The following ADAMTS19 variants were observed in gnomAD, a reference collection of about 807,000 sequenced individuals.
The protein encoded by ADAMTS19 is A disintegrin and metalloproteinase with thrombospondin motifs 19.
ADAMTS19 carries 93 observed loss-of-function variants against 153.3 expected under a neutral mutation model. The ratio of observed to expected loss-of-function variants is 0.61; its 90% CI spans 0.51 to 0.72. The LOEUF is 0.72. Ranked by LOEUF, ADAMTS19 falls within the 30% of genes least tolerant of loss-of-function variation. ADAMTS19 has a pLI of 0.00. For synonymous variants in ADAMTS19, 600 were observed against 556.6 expected, an observed-to-expected ratio of 1.08 and a Z score of -1.10; for missense variants, 1,482 against 1,552.1, an observed-to-expected ratio of 0.95 and a Z score of 0.76.
At chr5:129,645,955 C>T (rs1753045605) in intron 11 of ADAMTS19, among the ~76,000 whole-genome samples, 2 of 129,814 alleles carry the variant, frequency 1.5e-5, no homozygotes, top group Admixed American at 8.9e-5. Context: ...GTGGCGGGAT[C>T]TCGGCTCACT....
At chr5:129,651,602 GTTCT>G (rs1221549460) in intron 13 of ADAMTS19, among the ~76,000 whole-genome samples, 1 of 152,012 alleles carries the variant, frequency 6.6e-6, no homozygotes, top group Non-Finnish European at 1.5e-5. Context: ...CTTTGACATC[GTTCT>G]TTATTTATTT....
At chr5:129,524,808 C>G (rs1318772846) in intron 3 of ADAMTS19, among the ~76,000 whole-genome samples, 1 of 151,888 alleles carries the variant, frequency 6.6e-6, no homozygotes, top group Non-Finnish European at 1.5e-5. Flanking sequence ...CAGATATCTC[C>G]CTTGTGCCCA....
intron 16 of ADAMTS19, among the ~76,000 whole-genome samples, chr5:129,670,121 T>C (rs891482064): frequency 6.6e-6 from 1 of 152,144 alleles, no homozygotes; most frequent in African/African-American, 2.4e-5. Flanking sequence ...AAATTATTAC[T>C]TTTTCTCTGT....
rs1749768351 is a variant in ADAMTS19 at position 129,585,914 on chromosome 5, T to A, written c.1373-10645T>A. Among the ~76,000 whole-genome samples the A allele has an allele frequency of 2.0e-5, 3 of 152,194 alleles. No individual in the cohort carries two copies. In the South Asian group the frequency reaches 6.2e-4, roughly 31 times the overall value. Reference sequence around the variant, plus strand: ...TCTCCTGGGCACTTTTAAGATTCTCTTTTTTTCCTTTTCATTTTCAGCAGT... The same window carrying A: ...TCTCCTGGGCACTTTTAAGATTCTCATTTTTTCCTTTTCATTTTCAGCAGT... On this transcript the variant is annotated intron_variant, in intron 7 of 22. Coordinates refer to ENST00000274487, the MANE Select transcript of ADAMTS19 (RefSeq NM_133638.6).
At chr5:129,722,417 A>G (rs1757042186) in intron 21 of ADAMTS19, among the ~76,000 whole-genome samples, 1 of 152,068 alleles carries the variant, frequency 6.6e-6, no homozygotes, top group Non-Finnish European at 1.5e-5. Context: ...GTGTCTGTTC[A>G]TGTCCTTTGC....
intron 16 of ADAMTS19, among the ~76,000 whole-genome samples, chr5:129,672,350 A>G (rs1445506950): frequency 6.6e-6 from 1 of 152,132 alleles, no homozygotes; most frequent in East Asian, 1.9e-4. Context: ...AACACCTCTG[A>G]ACTGGAAAGA....
chr5:129,535,460 C>A (rs1207334709), intron 6 of ADAMTS19, among the ~76,000 whole-genome samples: 6 of 152,106 alleles, frequency 3.9e-5, no homozygotes, highest in Admixed American at 3.9e-4. Flanking sequence ...TAGGAAGAAT[C>A]AGTATCCTGA....
intron 8 of ADAMTS19, among the ~76,000 whole-genome samples, chr5:129,602,959 G>C (rs977473432): frequency 6.6e-5 from 10 of 151,536 alleles, no homozygotes; most frequent in African/African-American, 2.4e-4. Flanking sequence ...CTCAGTAAAT[G>C]ATCTTACTAC....
chr5:129,490,112 T>C (rs1750719306), intron 2 of ADAMTS19, among the ~76,000 whole-genome samples: 1 of 152,180 alleles, frequency 6.6e-6, no homozygotes, highest in African/African-American at 2.4e-5. Flanking sequence ...ATGTATGAAA[T>C]GAATTACTCC....
At chr5:129,612,050 G>T (rs2126956695) in intron 8 of ADAMTS19, among the ~76,000 whole-genome samples, 1 of 151,648 alleles carries the variant, frequency 6.6e-6, no homozygotes, top group Middle Eastern at 3.4e-3. Flanking sequence ...GTATACATGT[G>T]CCATGTTGGT....
intron 7 of ADAMTS19, among the ~76,000 whole-genome samples, chr5:129,569,486 A>G (rs1753824448): frequency 6.6e-6 from 1 of 152,076 alleles, no homozygotes; most frequent in Admixed American, 6.6e-5. Flanking sequence ...ACCTTTACAC[A>G]CTGCTCCACC....
intron 8 of ADAMTS19, among the ~76,000 whole-genome samples, chr5:129,597,040 T>A (rs920817609): frequency 3.9e-5 from 6 of 152,206 alleles, no homozygotes; most frequent in Non-Finnish European, 7.4e-5. Context: ...GTACCTGTAT[T>A]TGTTATTACC....
intron 11 of ADAMTS19, among the ~76,000 whole-genome samples, chr5:129,645,148 G>A (rs1393351849): frequency 6.6e-6 from 1 of 152,018 alleles, no homozygotes; most frequent in African/African-American, 2.4e-5. Context: ...GTCCCCAGGT[G>A]GTCTATATTA....
intron 2 of ADAMTS19, among the ~76,000 whole-genome samples, chr5:129,465,450 A>T (rs13359527): frequency 1.3e-5 from 2 of 151,656 alleles, no homozygotes; most frequent in African/African-American, 2.4e-5. Context: ...GATGAAGTGT[A>T]GATACTAAAA....
At chr5:129,527,872 G>A (rs369636916) in intron 5 of ADAMTS19, 41 bp downstream of exon 5, 156 of 1,290,688 alleles carry the variant, frequency 1.2e-4, no homozygotes, top group Non-Finnish European at 1.7e-4. Flanking sequence ...AAATGGGGGA[G>A]AAATTTTGTT....
chr5:129,721,599 T>A (rs1450715121), intron 21 of ADAMTS19, among the ~76,000 whole-genome samples: 3 of 151,908 alleles, frequency 2.0e-5, no homozygotes, highest in Non-Finnish European at 4.4e-5. Flanking sequence ...TTTTTTTTTA[T>A]TTATTTTACT....
intron 14 of ADAMTS19, among the ~76,000 whole-genome samples, chr5:129,658,343 A>AGAGAGAGAGAGAGAG (rs1561632359): frequency 1.2e-4 from 14 of 112,266 alleles, no homozygotes; most frequent in African/African-American, 5.7e-4. Context: ...GAAAGAAAGA[A>AGAGAGAGAGAGAGAG]AGAAAGAAAG....
chr5:129,648,358 C>T (rs565320113), intron 12 of ADAMTS19, among the ~76,000 whole-genome samples: 2 of 152,256 alleles, frequency 1.3e-5, no homozygotes, highest in South Asian at 4.1e-4. Flanking sequence ...GGAATTCTAG[C>T]AAAGTATGAG....
chr5:129,639,851 TGAAATATTTTTA>T (rs1379805079), intron 10 of ADAMTS19, among the ~76,000 whole-genome samples: 2 of 152,158 alleles, frequency 1.3e-5, no homozygotes, highest in Non-Finnish European at 2.9e-5. Flanking sequence ...CCTAGATGGG[TGAAATATTTTTA>T]GAATCAAAAA....
Sources: gnomAD v4.1 joint callset for allele counts (sites outside exome capture counted in the v4.1 genomes callset) on GRCh38, gnomAD v4.1.1 for gene constraint, MANE v1.5 for transcripts, NCBI Gene and HGNC (gene_info 2026-07-23, HGNC 2026-07-21) for gene names.